The following PIAS2 variants were observed in gnomAD, a reference collection of about 807,000 sequenced individuals.
The protein encoded by PIAS2 is E3 SUMO-protein ligase PIAS2.
PIAS2 carries 19 observed loss-of-function variants against 69.7 expected under a neutral mutation model. The ratio of observed to expected loss-of-function variants is 0.27; its 90% confidence interval spans 0.19 to 0.40. The LOEUF (loss-of-function observed/expected upper bound fraction) is 0.40, where lower values mean the gene tolerates loss of function less well. Among genes scored for constraint, PIAS2 ranks in the 10% least tolerant of loss-of-function variants. The probability of loss-of-function intolerance (pLI) is 1.00; values close to 1 mark genes in which losing one functional copy is unlikely to be tolerated. For synonymous variants in PIAS2, 261 were observed against 263.2 expected (o/e 0.99, Z 0.08); for missense variants, 624 against 757.0 (o/e 0.82, Z 2.06).
At chr18:46,913,523 TGAAAAGAAGGG>T (rs1231295697) in intron 1 of PIAS2, among the ~76,000 whole-genome samples, 2 of 143,968 alleles carry the variant, frequency 1.4e-5, no homozygotes, top group African/African-American at 5.2e-5. Context: ...TCTCAATGCA[TGAAAAGAAGGG>T]GATGAAGAAT....
At chr18:46,847,054 GA>G (rs1343926384) in intron 5 of PIAS2, among the ~76,000 whole-genome samples, 1 of 151,998 alleles carries the variant, frequency 6.6e-6, no homozygotes, top group African/African-American at 2.4e-5. Flanking sequence ...AGAAAGGTAG[GA>G]AAAAAATCCA....
intron 1 of PIAS2, chr18:46,893,590 G>A (rs1292381726): frequency 2.6e-5 from 6 of 226,646 alleles, no homozygotes; most frequent in African/African-American, 4.7e-5. Flanking sequence ...CTATGAATGC[G>A]GAATCACAGA....
rs575163327 is a variant in PIAS2 at position 46,813,128 on chromosome 18, C to T, written c.1687-516G>A. Among the ~76,000 whole-genome samples the T allele has an allele frequency of 9.2e-5, 14 of 152,196 alleles. No homozygotes were observed. In the East Asian group the frequency reaches 1.2e-3, roughly 13 times the overall value. ...GGCATTGGACTCCTTTGTACATAAA[C>T]GTAAAATACTTGTGTCATCAGAATG... On this transcript the variant is annotated intron_variant, in intron 13 of 13. Coordinates refer to ENST00000585916, the MANE Select transcript of PIAS2 (RefSeq NM_004671.5).
chr18:46,880,247 A>C (rs1010842793), intron 2 of PIAS2, among the ~76,000 whole-genome samples: 3 of 152,048 alleles, frequency 2.0e-5, no homozygotes, highest in South Asian at 4.1e-4. Flanking sequence ...AAAATGTAAA[A>C]ATTAGCTGGG....
At chr18:46,890,546 T>A in intron 2 of PIAS2, 34 bp downstream of exon 2, 1 of 1,286,976 alleles carries the variant, frequency 7.8e-7, no homozygotes, top group Non-Finnish European at 1.1e-6. Flanking sequence ...ATTTACTATC[T>A]TGTTCAGAAG....
rs144051868 is a variant in PIAS2, at chr18:46,820,589, G to A, written c.1648+344C>T. 4.0e-3 allele frequency among the ~76,000 whole-genome samples: 604 copies of A among 152,214 alleles called. 3 individuals are homozygous for A. The highest frequency in any genetic ancestry group is 6.8e-3 in the Middle Eastern group (2 of 294). On this transcript the variant is annotated intron_variant, in intron 12 of 13. Transcript: ENST00000585916. ...TCAATATATTCTGAAGTTCTGATGAGCTACCAAGAAGAGTATGAGAAAATA... is the reference window on the plus strand; with the variant it reads ...TCAATATATTCTGAAGTTCTGATGAACTACCAAGAAGAGTATGAGAAAATA...
chr18:46,899,433 A>C (rs962992021), intron 1 of PIAS2, among the ~76,000 whole-genome samples: 3 of 152,186 alleles, frequency 2.0e-5, no homozygotes, highest in Non-Finnish European at 2.9e-5. Flanking sequence ...GAAAGGCAAA[A>C]AGCTCACCAC....
chr18:46,855,382 A>C lies in PIAS2; in HGVS notation c.689T>G (p.Leu230Arg). ...TAGCTTCCCATTTACTTTTATACATAGACTATTTGGATAGTTATCTTCTTG... is the reference window on the plus strand; with the variant it reads ...TAGCTTCCCATTTACTTTTATACATCGACTATTTGGATAGTTATCTTCTTG... The part of the protein sequence containing the change: ...CPQEDNYPNS[L>R]CIKVNGKLFP... Residue 230 changes from leucine to arginine, a missense_variant, in exon 5 of 14, where the codon CTA (leucine) becomes CGA (arginine). Leu to Arg is a moderately radical substitution (Grantham distance 102, BLOSUM62 -2). This residue lies in a region of PIAS2 where 339 missense variants were observed against 408.8 expected (regional missense o/e 0.83). Coordinates refer to ENST00000585916, the MANE Select transcript of PIAS2 (RefSeq NM_004671.5). 6.2e-7 allele frequency: 1 copy of C among 1,612,472 alleles called. No homozygotes were observed. The highest frequency in any genetic ancestry group is 8.5e-7 in the Non-Finnish European group (1 of 1,179,418).
intron 1 of PIAS2, chr18:46,901,324 G>C: frequency 3.4e-6 from 1 of 290,600 alleles, no homozygotes. Context: ...CAGGAGAATC[G>C]CTTGAACCTG....
rs538593543 is a variant in PIAS2 at position 46,855,259 on chromosome 18, C to T, written c.726+86G>A. 5 of 788,644 alleles carry T rather than the reference C, an allele frequency of 6.3e-6. No homozygotes were observed. In the South Asian group the frequency reaches 8.9e-5, roughly 14 times the overall value. The allele number at this position is 788,644 out of a possible 1,614,324, so 48.9% of individuals were successfully genotyped here. On this transcript the variant is annotated intron_variant, in intron 5 of 13. Coordinates refer to ENST00000585916, the MANE Select transcript of PIAS2 (RefSeq NM_004671.5). ...GATGCTAAAACTGTTCACTGGTATT[C>T]AGCTGTCACTGTTGCACTGTTTCTA...
At chr18:46,833,949 G>GTTCC (rs1000150620) in intron 9 of PIAS2, among the ~76,000 whole-genome samples, 46 of 152,100 alleles carry the variant, frequency 3.0e-4, no homozygotes, top group African/African-American at 1.1e-3. Context: ...CTACTGTAAA[G>GTTCC]TTCCTTCCTC....
intron 2 of PIAS2, among the ~76,000 whole-genome samples, chr18:46,885,300 C>T (rs536723605): frequency 9.2e-5 from 14 of 152,110 alleles, no homozygotes; most frequent in South Asian, 6.2e-4. Flanking sequence ...GGGCAGACCA[C>T]GAGGTCAGGA....
intron 8 of PIAS2, among the ~76,000 whole-genome samples, chr18:46,840,349 A>G (rs534776971): frequency 9.5e-4 from 144 of 152,320 alleles, no homozygotes; most frequent in African/African-American, 3.5e-3. Flanking sequence ...CACGTTAAAC[A>G]TCACTTTATG....
chr18:46,876,759 C>G (rs951484953), intron 2 of PIAS2, among the ~76,000 whole-genome samples: 25 of 150,874 alleles, frequency 1.7e-4, no homozygotes, highest in African/African-American at 6.1e-4. Context: ...TGCAGTGGCG[C>G]TATCTCAACT....
rs761260067 is a variant in PIAS2, at chr18:46,846,817, C to A, written c.751G>T (p.Gly251Trp). The A allele has an allele frequency of 6.2e-7, 1 of 1,609,022 alleles. No individual in the cohort carries two copies. The highest frequency in any genetic ancestry group is 8.5e-7 in the Non-Finnish European group (1 of 1,177,506). ...CGTCCAGGGCGCTTCTGTTCAATCCCATTTTTAGGCGGTGGTGCATAGCCC... is the reference window on the plus strand; with the variant it reads ...CGTCCAGGGCGCTTCTGTTCAATCCAATTTTTAGGCGGTGGTGCATAGCCC... ...LPGYAPPPKNGIEQKRPGRPL... is the reference protein window; with the variant it reads ...LPGYAPPPKNWIEQKRPGRPL... The change falls in exon 6 of 14, where the codon GGG becomes TGG. Residue 251 changes from glycine (G) to tryptophan (W), a missense_variant. Coordinates refer to ENST00000585916, the MANE Select transcript of PIAS2 (RefSeq NM_004671.5).
At chr18:46,872,405 T>C (rs190228881) in intron 2 of PIAS2, among the ~76,000 whole-genome samples, 7 of 152,354 alleles carry the variant, frequency 4.6e-5, no homozygotes, top group East Asian at 3.9e-4. Flanking sequence ...TACCAATAGA[T>C]AGTCTTGCCC....
chr18:46,862,136 C>A lies in PIAS2; in HGVS notation c.584+2028G>T, dbSNP rs184715146. Among the ~76,000 whole-genome samples the A allele has an allele frequency of 2.2e-3, 334 of 152,170 alleles. 2 individuals carry two copies. Among genetic ancestry groups the A allele is most frequent in the African/African-American group, 7.5e-3 (313 of 41,524 alleles). On this transcript the variant is annotated intron_variant, in intron 3 of 13. Transcript: ENST00000585916. ...ACTTGAGGCCAGGAGTTCAAGACAACCCTGGCCAACGTGGTGAAACCCCGT... is the reference window on the plus strand; with the variant it reads ...ACTTGAGGCCAGGAGTTCAAGACAAACCTGGCCAACGTGGTGAAACCCCGT...
intron 3 of PIAS2, among the ~76,000 whole-genome samples, chr18:46,862,165 T>C (rs1382204370): frequency 6.6e-6 from 1 of 152,130 alleles, no homozygotes; most frequent in African/African-American, 2.4e-5. Context: ...ACCCCGTCTC[T>C]ACTAAAAACA....
chr18:46,900,363 TA>T (rs1365745246), intron 1 of PIAS2, among the ~76,000 whole-genome samples: 249 of 139,940 alleles, frequency 1.8e-3, no homozygotes, highest in Non-Finnish European at 1.7e-3. Context: ...ACTCCATCTT[TA>T]AAAAAAAAAA....
Sources: gnomAD v4.1 joint callset for allele counts (sites outside exome capture counted in the v4.1 genomes callset) on GRCh38, gnomAD v4.1.1 for gene constraint, gnomAD v4.1.1 regional missense constraint, MANE v1.5 for transcripts, NCBI Gene and HGNC (gene_info 2026-07-23, HGNC 2026-07-21) for gene names.